Variants in CSMD1 observed in about 807,000 individuals in gnomAD.
The protein encoded by CSMD1 is CUB and Sushi multiple domains 1.
Under a neutral mutation model 417.5 loss-of-function variants are expected in CSMD1, and 213 were observed. That is an observed-to-expected ratio of 0.51 (90% CI 0.46 to 0.57). The LOEUF is 0.57. Ranked by LOEUF, CSMD1 falls within the 20% of genes least tolerant of loss-of-function variation. The pLI is 0.00. For synonymous variants in CSMD1, 2,862 were observed against 1,736.8 expected (o/e 1.65, Z -16.11); for missense variants, 6,923 against 4,529.7 (o/e 1.53, Z -15.17).
At chr8:4,007,775 A>G (rs1361127474) in intron 4 of CSMD1, among the ~76,000 whole-genome samples, 1 of 152,124 alleles carries the variant, frequency 6.6e-6, no homozygotes, top group African/African-American at 2.4e-5. Context: ...GTCTTTAACA[A>G]GTGTTGGGAC....
chr8:4,045,307 G>C (rs1286568682), intron 3 of CSMD1, among the ~76,000 whole-genome samples: 3 of 152,228 alleles, frequency 2.0e-5, no homozygotes, highest in East Asian at 3.9e-4. Context: ...TGTCCTTATA[G>C]GGTTAGGCAG....
At chr8:3,833,940 T>G (rs1802517922) in intron 5 of CSMD1, among the ~76,000 whole-genome samples, 1 of 152,176 alleles carries the variant, frequency 6.6e-6, no homozygotes, top group South Asian at 2.1e-4. Flanking sequence ...ATTGGTTGGT[T>G]GTTGCTGTTG....
chr8:4,422,471 G>T (rs558130354), intron 2 of CSMD1, among the ~76,000 whole-genome samples: 2 of 152,008 alleles, frequency 1.3e-5, no homozygotes, highest in African/African-American at 2.4e-5. Flanking sequence ...GTAAAAATAA[G>T]AAAAGAGAAG....
intron 10 of CSMD1, among the ~76,000 whole-genome samples, chr8:3,554,372 C>T (rs553296802): frequency 6.6e-6 from 1 of 152,306 alleles, no homozygotes; most frequent in East Asian, 1.9e-4. Flanking sequence ...GGCTGTGAAC[C>T]AATTTGGGAT....
chr8:4,851,562 C>A (rs916408572), intron 1 of CSMD1, among the ~76,000 whole-genome samples: 1 of 152,040 alleles, frequency 6.6e-6, no homozygotes, highest in Non-Finnish European at 1.5e-5. Context: ...GGTTCAGAAC[C>A]TATGACCTGT....
chr8:4,263,727 T>A (rs1032994701), intron 3 of CSMD1, among the ~76,000 whole-genome samples: 1 of 152,200 alleles, frequency 6.6e-6, no homozygotes, highest in East Asian at 1.9e-4. Context: ...AATAATAAAA[T>A]GCTGGATTTT....
At chr8:4,280,821 AATTAT>A (rs1170335495) in intron 3 of CSMD1, among the ~76,000 whole-genome samples, 2 of 152,206 alleles carry the variant, frequency 1.3e-5, no homozygotes, top group Admixed American at 1.3e-4. Flanking sequence ...AAAATGTATA[AATTAT>A]AAGACTTTTA....
In CSMD1 at chr8:4,027,888, C is replaced by A. The variant is rs570060958; in HGVS notation, c.610+4017G>T. On this transcript the variant is annotated intron_variant, in intron 4 of 69. Coordinates refer to ENST00000635120, the MANE Select transcript of CSMD1 (RefSeq NM_033225.6). ...AATAAAGAGAACAAAGACACAGTAA[C>A]TTTGATTTTTTTTCTGAGAGTGAGA... Among the ~76,000 whole-genome samples, 70 of 152,160 alleles carry A rather than the reference C, an allele frequency of 4.6e-4. 1 individual carries two copies. The highest frequency in any genetic ancestry group is 9.2e-4 in the Admixed American group (14 of 15,278).
chr8:4,885,172 C>T (rs1803656811), intron 1 of CSMD1, among the ~76,000 whole-genome samples: 3 of 152,020 alleles, frequency 2.0e-5, no homozygotes, highest in Admixed American at 2.0e-4. Flanking sequence ...GATTTGTCTA[C>T]TTTATCTGGT....
intron 10 of CSMD1, among the ~76,000 whole-genome samples, chr8:3,556,770 G>A (rs1433951823): frequency 6.6e-6 from 1 of 152,030 alleles, no homozygotes; most frequent in East Asian, 1.9e-4. Flanking sequence ...TAGCTGCTCA[G>A]CCTCTGATCA....
At chr8:4,166,367 T>C (rs1011172763) in intron 3 of CSMD1, among the ~76,000 whole-genome samples, 1 of 152,214 alleles carries the variant, frequency 6.6e-6, no homozygotes, top group Admixed American at 6.5e-5. Flanking sequence ...GCACATGTTA[T>C]TTGGATGCTA....
chr8:3,618,649 T>C (rs879277380), intron 7 of CSMD1, among the ~76,000 whole-genome samples: 1 of 152,066 alleles, frequency 6.6e-6, no homozygotes, highest in South Asian at 2.1e-4. Flanking sequence ...TATTTCCCTA[T>C]GGAAACACCA....
chr8:3,942,638 C>T lies in CSMD1; in HGVS notation c.818+55265G>A, dbSNP rs114548904. ...TCCGGCCATTCTACTTACTGGTTAGCCTCAGTTTATCTTTAAAAACTGTTT... is the reference window on the plus strand; with the variant it reads ...TCCGGCCATTCTACTTACTGGTTAGTCTCAGTTTATCTTTAAAAACTGTTT... On this transcript the variant is annotated intron_variant, in intron 5 of 69. Transcript: ENST00000635120. Among the ~76,000 whole-genome samples, 399 of 152,252 alleles carry T rather than the reference C, an allele frequency of 2.6e-3. 2 individuals carry two copies. Among genetic ancestry groups the T allele is most frequent in the African/African-American group, 9.1e-3 (378 of 41,542 alleles).
At chr8:4,436,428 A>G (rs763442902) in intron 2 of CSMD1, among the ~76,000 whole-genome samples, 3 of 152,044 alleles carry the variant, frequency 2.0e-5, no homozygotes, top group Non-Finnish European at 4.4e-5. Context: ...AGATGTGTGT[A>G]TTTGTGGGGT....
intron 1 of CSMD1, among the ~76,000 whole-genome samples, chr8:4,798,340 C>A (rs996613896): frequency 2.0e-5 from 3 of 152,188 alleles, no homozygotes; most frequent in Non-Finnish European, 4.4e-5. Context: ...AGGACATGAA[C>A]TCATCCTTTT....
chr8:3,439,128 AAAAAAAAAAAAAAAAAAAAAAAAACC>A (rs1326772659), intron 12 of CSMD1, among the ~76,000 whole-genome samples: 3 of 119,346 alleles, frequency 2.5e-5, no homozygotes, highest in African/African-American at 3.7e-5. Flanking sequence ...ATCTCAAAAA[AAAAAAAAAAAAAAAAAAAAAAAAACC>A]AAGAAAAAAA....
chr8:3,792,620 C>G (rs1052353561), intron 5 of CSMD1, among the ~76,000 whole-genome samples: 1 of 152,146 alleles, frequency 6.6e-6, no homozygotes, highest in African/African-American at 2.4e-5. Context: ...TCAGACAAAT[C>G]ATGACAGGCA....
At chr8:2,975,953 A>G (rs1219436532) in intron 55 of CSMD1, among the ~76,000 whole-genome samples, 2 of 152,220 alleles carry the variant, frequency 1.3e-5, no homozygotes, top group South Asian at 2.1e-4. Context: ...GCCAGTGGAG[A>G]CATAAAAGAA....
At chr8:3,512,410 T>C (rs918220364) in intron 10 of CSMD1, among the ~76,000 whole-genome samples, 3 of 152,062 alleles carry the variant, frequency 2.0e-5, no homozygotes, top group Admixed American at 6.5e-5. Flanking sequence ...GACAGGCTTT[T>C]GGTGCACAGA....
Sources: allele counts gnomAD v4.1 joint callset (sites outside exome capture counted in the v4.1 genomes callset), GRCh38; gene constraint gnomAD v4.1.1; transcripts MANE v1.5; gene names NCBI Gene and HGNC (gene_info 2026-07-23, HGNC 2026-07-21).